The following FAM13A variants were observed in gnomAD, a reference collection of about 807,000 sequenced individuals.
The protein encoded by FAM13A is family with sequence similarity 13 member A, also known as protein FAM13A.
Under a neutral mutation model 129.6 loss-of-function variants are expected in FAM13A, and 76 were observed. That is an observed-to-expected ratio of 0.59 (90% CI 0.49 to 0.71). The LOEUF (loss-of-function observed/expected upper bound fraction) is 0.71, where lower values mean the gene tolerates loss of function less well. Ranked by LOEUF, FAM13A falls within the 30% of genes least tolerant of loss-of-function variation. The pLI is 0.00. For missense variants in FAM13A, 1,108 were observed against 1,249.3 expected, an observed-to-expected ratio of 0.89 and a Z score of 1.70; for synonymous variants, 443 against 449.9, an observed-to-expected ratio of 0.98 and a Z score of 0.20.
chr4:88,915,072 T>C (rs1230588384), intron 5 of FAM13A, among the ~76,000 whole-genome samples: 1 of 152,264 alleles, frequency 6.6e-6, no homozygotes, highest in East Asian at 1.9e-4. Context: ...CTGATATGAT[T>C]ACAAATTGAA....
intron 1 of FAM13A, among the ~76,000 whole-genome samples, chr4:89,052,824 C>G (rs1252956270): frequency 6.6e-6 from 1 of 152,094 alleles, no homozygotes; most frequent in Non-Finnish European, 1.5e-5. Context: ...ACAACTCCAT[C>G]TTTAGGTCAT....
chr4:88,796,232 A>T (rs185629832), intron 8 of FAM13A, among the ~76,000 whole-genome samples: 9 of 151,848 alleles, frequency 5.9e-5, no homozygotes, highest in Admixed American at 5.9e-4. Flanking sequence ...TGCACTTGAG[A>T]TTCTTATTTA....
intron 13 of FAM13A, among the ~76,000 whole-genome samples, chr4:88,764,657 A>G (rs1480026007): frequency 6.6e-6 from 1 of 152,036 alleles, no homozygotes; most frequent in African/African-American, 2.4e-5. Flanking sequence ...AAGAACAAAG[A>G]CTCTAGATTT....
At chr4:88,988,665 C>A (rs1560676617) in intron 4 of FAM13A, among the ~76,000 whole-genome samples, 1 of 151,388 alleles carries the variant, frequency 6.6e-6, no homozygotes, top group Non-Finnish European at 1.5e-5. Context: ...CTTGAAAAAA[C>A]CAGTTAAGTT....
intron 6 of FAM13A, among the ~76,000 whole-genome samples, chr4:88,891,818 A>G (rs1038733101): frequency 2.6e-5 from 4 of 152,242 alleles, no homozygotes; most frequent in South Asian, 2.1e-4. Flanking sequence ...GTCATAAAGC[A>G]TAACTACCAA....
rs150241138 is a variant in FAM13A, at chr4:88,750,494, C to T, written c.1870G>A (p.Gly624Arg). Reference protein sequence around the residue: ...PMLSPRFYAYGQSRQYLDDTE... With the variant: ...PMLSPRFYAYRQSRQYLDDTE... ...TCATCCAGGTATTGCCTGCTCTGCC[C>T]ATAAGCGTAGAACCGAGGAGAGAGC... The change falls in exon 15 of 24, where the codon GGG becomes AGG. Residue 624 changes from glycine to arginine, a missense_variant. This residue lies in a region of FAM13A where 529 missense variants were observed against 621.2 expected (regional missense o/e 0.85). Coordinates refer to ENST00000264344, the MANE Select transcript of FAM13A (RefSeq NM_014883.4). The T allele has an allele frequency of 3.1e-6, 5 of 1,614,164 alleles. No individual in the cohort carries two copies. The highest frequency in any genetic ancestry group is 4.2e-6 in the Non-Finnish European group (5 of 1,180,034).
chr4:88,877,245 T>C (rs1352503678), intron 6 of FAM13A, among the ~76,000 whole-genome samples: 1 of 152,202 alleles, frequency 6.6e-6, no homozygotes, highest in East Asian at 1.9e-4. Context: ...AAAATTTAAT[T>C]TACTGATAGG....
chr4:88,758,935 C>T, intron 13 of FAM13A, 34 bp from the exon 14 acceptor site: 2 of 1,601,106 alleles, frequency 1.2e-6, no homozygotes, highest in Non-Finnish European at 1.7e-6. Flanking sequence ...CAAATATCTA[C>T]TGCTCACCAA....
chr4:88,817,486 C>T (rs1260199744), intron 7 of FAM13A, among the ~76,000 whole-genome samples: 1 of 151,856 alleles, frequency 6.6e-6, no homozygotes, highest in African/African-American at 2.4e-5. Context: ...TTGCTTGAAC[C>T]CAGGAGGCAG....
chr4:89,051,070 A>G (rs1038611348), intron 1 of FAM13A, among the ~76,000 whole-genome samples: 1 of 152,274 alleles, frequency 6.6e-6, no homozygotes, highest in Non-Finnish European at 1.5e-5. Context: ...ATACAACTAC[A>G]TATGGGTAAT....
chr4:88,795,894 TTACAG>T (rs1188296221), intron 8 of FAM13A, among the ~76,000 whole-genome samples: 1 of 151,840 alleles, frequency 6.6e-6, no homozygotes, highest in Non-Finnish European at 1.5e-5. Flanking sequence ...ATTATAACCC[TTACAG>T]TAAACTTCAG....
chr4:88,877,960 C>T (rs1742844043), intron 6 of FAM13A, among the ~76,000 whole-genome samples: 1 of 152,034 alleles, frequency 6.6e-6, no homozygotes, highest in South Asian at 2.1e-4. Context: ...TGACACACTC[C>T]CTCCTGGGGA....
rs1018232548 is a variant in FAM13A, at chr4:88,851,116, C to A, written c.911G>T (p.Gly304Val). 4 of 1,613,758 alleles carry A rather than the reference C, an allele frequency of 2.5e-6. No individual in the cohort carries two copies. Among genetic ancestry groups the A allele is most frequent in the Non-Finnish European group, 3.4e-6 (4 of 1,179,884 alleles). The change falls in exon 7 of 24, where the codon GGC becomes GTC. Residue 304 changes from glycine to valine, a missense_variant. Gly to Val is a moderately radical substitution (Grantham distance 109). This residue lies in a region of FAM13A where 566 missense variants were observed against 595.7 expected (regional missense o/e 0.95). Coordinates refer to ENST00000264344, the MANE Select transcript of FAM13A (RefSeq NM_014883.4). ...TAGCCGCAAGCTGAGCTGAGGAATGCCATCAGATAGCTCTGGTTGCAGTAC... is the reference window on the plus strand; with the variant it reads ...TAGCCGCAAGCTGAGCTGAGGAATGACATCAGATAGCTCTGGTTGCAGTAC... The part of the protein sequence containing the change: ...HRVLQPELSD[G>V]IPQLSLRLSY...
At chr4:88,786,030 T>C (rs1421924907) in intron 10 of FAM13A, among the ~76,000 whole-genome samples, 2 of 152,184 alleles carry the variant, frequency 1.3e-5, no homozygotes, top group Non-Finnish European at 2.9e-5. Context: ...GTTCTCCTAA[T>C]ACTGCTAGTA....
intron 6 of FAM13A, among the ~76,000 whole-genome samples, chr4:88,870,414 T>G (rs543435967): frequency 6.6e-6 from 1 of 152,300 alleles, no homozygotes; most frequent in South Asian, 2.1e-4. Flanking sequence ...CCTGGAAAAT[T>G]GGGTCACTCC....
At chr4:89,035,909 T>G (rs1187054641) in intron 1 of FAM13A, among the ~76,000 whole-genome samples, 2 of 152,182 alleles carry the variant, frequency 1.3e-5, no homozygotes, top group African/African-American at 4.8e-5. Flanking sequence ...TTATCCAGTC[T>G]CAGGTAAGGA....
intron 7 of FAM13A, among the ~76,000 whole-genome samples, chr4:88,812,274 C>T (rs138882911): frequency 6.6e-6 from 1 of 152,152 alleles, no homozygotes; most frequent in African/African-American, 2.4e-5. Context: ...GATTATGTCT[C>T]AAAAAAAGGA....
chr4:88,750,792 G>A (rs559517979), intron 14 of FAM13A, among the ~76,000 whole-genome samples, 155 bp from the exon 15 acceptor site: 14 of 152,274 alleles, frequency 9.2e-5, no homozygotes, highest in Admixed American at 7.8e-4. Flanking sequence ...TAAGGACACC[G>A]CGCCCCAACT....
At chr4:88,786,928 C>T (rs1244642406) in intron 10 of FAM13A, among the ~76,000 whole-genome samples, 1 of 151,752 alleles carries the variant, frequency 6.6e-6, no homozygotes, top group East Asian at 1.9e-4. Context: ...GTGCTAGGGT[C>T]TGGTTCAGGT....
Sources: allele counts gnomAD v4.1 joint callset (sites outside exome capture counted in the v4.1 genomes callset), GRCh38; gene constraint gnomAD v4.1.1; regional missense constraint gnomAD v4.1.1; transcripts MANE v1.5; gene names NCBI Gene and HGNC (gene_info 2026-07-23, HGNC 2026-07-21).